Variants in KLHDC2 observed in about 807,000 individuals in gnomAD.
KLHDC2 encodes the protein kelch domain-containing protein 2.
In KLHDC2, 38 loss-of-function variants were observed where a neutral mutation model predicts 62.3. The observed-to-expected ratio is 0.61, with a 90% confidence interval of 0.47 to 0.80. KLHDC2 has a LOEUF of 0.80. Among genes scored for constraint, KLHDC2 ranks in the 30% least tolerant of loss-of-function variants. The pLI, the probability that KLHDC2 is intolerant of heterozygous loss-of-function variation, is 0.00. For missense variants in KLHDC2, 430 were observed against 495.3 expected (o/e 0.87, Z 1.25); for synonymous variants, 159 against 161.0 (o/e 0.99, Z 0.09).
intron 1 of KLHDC2, chr14:49,768,931 T>G (rs1053486448): frequency 1.0e-4 from 33 of 330,432 alleles, no homozygotes; most frequent in Non-Finnish European, 2.2e-5. Flanking sequence ...TAATGTTGCT[T>G]GGGCGGTGCA....
intron 3 of KLHDC2, among the ~76,000 whole-genome samples, chr14:49,776,228 A>C (rs1190193684): frequency 6.6e-6 from 1 of 152,156 alleles, no homozygotes; most frequent in Non-Finnish European, 1.5e-5. Context: ...TTCAGAGCCA[A>C]GGGGGAGAAT....
chr14:49,781,859 TAC>T (rs558115192), intron 10 of KLHDC2, among the ~76,000 whole-genome samples: 75 of 152,336 alleles, frequency 4.9e-4, no homozygotes, highest in African/African-American at 1.7e-3. Context: ...AAGGAAATGA[TAC>T]AGTCAAAATT....
Position 49,780,225 on chromosome 14 carries a change from C to A in KLHDC2, c.786C>A (p.Gly262=). Residue 262 remains glycine, a synonymous_variant, in exon 9 of 13, where the codon GGC becomes GGA. Coordinates refer to ENST00000298307, the MANE Select transcript of KLHDC2 (RefSeq NM_014315.3). ...TWEWNELIPQ[G]ICPVGRSWHS... ...CTATTATTTTCAGAATTCCACAAGG[C>A]ATATGCCCAGTTGGTCGATCTTGGC... 1 of 1,604,400 alleles carries A rather than the reference C, an allele frequency of 6.2e-7. No individual in the cohort carries two copies. Among genetic ancestry groups the A allele is most frequent in the Non-Finnish European group, 8.5e-7 (1 of 1,171,192 alleles).
At chr14:49,773,179 C>CGA (rs1417393863) in intron 2 of KLHDC2, among the ~76,000 whole-genome samples, 1 of 149,630 alleles carries the variant, frequency 6.7e-6, no homozygotes, top group African/African-American at 2.5e-5. Flanking sequence ...TTTGGGAAGC[C>CGA]GAGGCAGGTG....
rs1440267660 is a variant in KLHDC2 at position 49,777,911 on chromosome 14, CCAT to C, written c.430_432del (p.Ser144del). ...AAGAATTGATTGCCAAGGAATTCCT[CCAT>C]CATCAAAGGACAAACTTGGTGTCTG... On this transcript the variant is annotated inframe_deletion, in exon 4 of 13. Coordinates refer to ENST00000298307, the MANE Select transcript of KLHDC2 (RefSeq NM_014315.3). The C allele has an allele frequency of 6.2e-7, 1 of 1,612,252 alleles. No homozygotes were observed. Among genetic ancestry groups the C allele is most frequent in the Non-Finnish European group, 8.5e-7 (1 of 1,178,788 alleles).
rs1889845007 is a variant in KLHDC2 at position 49,779,603 on chromosome 14, A to T, written c.642A>T (p.Ala214=). The T allele has an allele frequency of 6.2e-7, 1 of 1,613,736 alleles. No individual in the cohort carries two copies. Among genetic ancestry groups the T allele is most frequent in the Admixed American group, 1.7e-5 (1 of 59,982 alleles). ...TWSQPITTGK[A]PSPRAAHACA... ...TTATGTGCCTCTAATAGGGTAAAGCACCTTCACCTCGTGCTGCCCATGCCT... is the reference window on the plus strand; with the variant it reads ...TTATGTGCCTCTAATAGGGTAAAGCTCCTTCACCTCGTGCTGCCCATGCCT... Residue 214 remains alanine (A), a synonymous_variant, in exon 7 of 13, where the codon GCA becomes GCT. Transcript: ENST00000298307.
Position 49,780,632 on chromosome 14 carries a change from C to T in KLHDC2, c.884-71C>T, listed in dbSNP as rs1203047938. On this transcript the variant is annotated intron_variant, in intron 9 of 12. Coordinates refer to ENST00000298307, the MANE Select transcript of KLHDC2 (RefSeq NM_014315.3). ...GCTCATGATCTATTACCTTTCTTGC[C>T]AAAGCTGTGCCCTTTAAATGTCAAT... 26 of 1,046,264 alleles carry T rather than the reference C, an allele frequency of 2.5e-5. No homozygotes were observed. The Admixed American group carries it at 2.9e-4, about 12-fold the overall frequency. The allele number at this position is 1,046,264 out of a possible 1,614,324, so 64.8% of individuals were successfully genotyped here.
intron 3 of KLHDC2, among the ~76,000 whole-genome samples, chr14:49,775,917 G>A (rs1467937631): frequency 6.6e-6 from 1 of 152,084 alleles, no homozygotes; most frequent in Non-Finnish European, 1.5e-5. Context: ...ATGAGCCACC[G>A]TGCCCGGCAG....
intron 9 of KLHDC2, 138 bp from the exon 10 acceptor site, chr14:49,780,565 T>C (rs1290733110): frequency 2.9e-6 from 2 of 697,414 alleles, no homozygotes; most frequent in East Asian, 2.6e-5. Flanking sequence ...ACTTGGCTAA[T>C]TGCAGGGGGG....
chr14:49,783,027 G>A lies in KLHDC2; in HGVS notation c.*74G>A. 2 of 1,484,588 alleles carry A rather than the reference G, an allele frequency of 1.3e-6. No individual in the cohort carries two copies. Among genetic ancestry groups the A allele is most frequent in the Non-Finnish European group, 1.8e-6 (2 of 1,089,186 alleles). 92.0% of individuals were successfully genotyped at this position (1,484,588 alleles called of 1,614,324 possible). A position where few individuals can be genotyped will look rare whatever the true frequency, so the allele number is the denominator to read the frequency against. The stretch of plus-strand genomic sequence containing the variant: ...TAAACATCACAGAGTGGCATCATTT[G>A]TATAATTATATGCATTGTTGTAGTT... On this transcript the variant is annotated 3_prime_UTR_variant, in exon 13 of 13. Coordinates refer to ENST00000298307, the MANE Select transcript of KLHDC2 (RefSeq NM_014315.3).
chr14:49,769,444 C>A (rs959230428), intron 1 of KLHDC2, among the ~76,000 whole-genome samples: 7 of 152,168 alleles, frequency 4.6e-5, no homozygotes, highest in Non-Finnish European at 1.0e-4. Context: ...GCCCTCCCCA[C>A]GCCCGTGCCT....
Position 49,784,757 on chromosome 14 carries a change from C to A in KLHDC2, c.*1804C>A. The A allele has an allele frequency of 1.3e-6, 2 of 1,525,674 alleles. No individual in the cohort carries two copies. Among genetic ancestry groups the A allele is most frequent in the South Asian group, 2.3e-5 (2 of 85,802 alleles). The allele number at this position is 1,525,674 out of a possible 1,614,324, so 94.5% of individuals were successfully genotyped here. A position where few individuals can be genotyped will look rare whatever the true frequency, so the allele number is the denominator to read the frequency against. On this transcript the variant is annotated 3_prime_UTR_variant, in exon 13 of 13. Transcript: ENST00000298307. ...TGAATATCTTCACATCCTGTATGGT[C>A]AATCATGTTTCTTTTATGACAAAAA...
At chr14:49,768,817 C>T in intron 1 of KLHDC2, 196 bp downstream of exon 1, 1 of 544,390 alleles carries the variant, frequency 1.8e-6, no homozygotes, top group Non-Finnish European at 3.2e-6. Flanking sequence ...CCCAACCCGT[C>T]TCGAACCTCC....
intron 6 of KLHDC2, among the ~76,000 whole-genome samples, 180 bp from the exon 7 acceptor site, chr14:49,779,415 A>T (rs1168931193): frequency 6.6e-6 from 1 of 152,236 alleles, no homozygotes; most frequent in Non-Finnish European, 1.5e-5. Flanking sequence ...TTTCAAAAAT[A>T]GAAAATTAAA....
Position 49,777,960 on chromosome 14 carries a change from T to C in KLHDC2, c.467+6T>C, listed in dbSNP as rs201794549. ...GTCTGGGTATATAAAAACAAGTAAG[T>C]TGGCAGCACTACAGGTTTGGGTTTT... On this transcript the variant is annotated splice_donor_region_variant and intron_variant, in intron 4 of 12. Coordinates refer to ENST00000298307, the MANE Select transcript of KLHDC2 (RefSeq NM_014315.3). The C allele has an allele frequency of 2.0e-6, 3 of 1,530,986 alleles. No homozygotes were observed. The highest frequency in any genetic ancestry group is 3.5e-5 in the Admixed American group (2 of 57,620). The allele number at this position is 1,530,986 out of a possible 1,614,324, so 94.8% of individuals were successfully genotyped here.
chr14:49,778,349 G>A, intron 5 of KLHDC2, 62 bp from the exon 6 acceptor site: 1 of 1,333,148 alleles, frequency 7.5e-7, no homozygotes, highest in East Asian at 2.3e-5. Flanking sequence ...TTGGTAATCA[G>A]GCAGGCTGTC....
rs182447352 is a variant in KLHDC2 at position 49,785,353 on chromosome 14, T to G, written c.*2400T>G. ...GGGAAAATAACAGTTACAAAGGCAA[T>G]TTATACCGCCCTTTACAAAAAATGC... On this transcript the variant is annotated 3_prime_UTR_variant, in exon 13 of 13. Coordinates refer to ENST00000298307, the MANE Select transcript of KLHDC2 (RefSeq NM_014315.3). 1,035 of 1,442,182 alleles carry G rather than the reference T, an allele frequency of 7.2e-4. 6 individuals are homozygous for G. The African/African-American group carries it at 0.012, about 17-fold the overall frequency. 89.3% of individuals were successfully genotyped at this position (1,442,182 alleles called of 1,614,324 possible).
In KLHDC2 at chr14:49,784,862, A is replaced by G. The variant is rs1890086489; in HGVS notation, c.*1909A>G. The G allele has an allele frequency of 1.4e-6, 2 of 1,479,162 alleles. No individual in the cohort carries two copies. The highest frequency in any genetic ancestry group is 1.9e-6 in the Non-Finnish European group (2 of 1,067,118). 91.6% of individuals were successfully genotyped at this position (1,479,162 alleles called of 1,614,324 possible). On this transcript the variant is annotated 3_prime_UTR_variant, in exon 13 of 13. Transcript: ENST00000298307. ...AGCATTTTCTACTAAAATAACAAAA[A>G]ACTGCTAACATTTTAAATTGTACTG...
At position 49,780,256 on chromosome 14, in the gene KLHDC2, C is replaced by T; in HGVS notation, c.817C>T (p.Leu273=). Residue 273 remains leucine (L), a synonymous_variant, in exon 9 of 13, where the codon CTA becomes TTA. Coordinates refer to ENST00000298307, the MANE Select transcript of KLHDC2 (RefSeq NM_014315.3). ...ICPVGRSWHS[L]TPVSSDHLFL... The stretch of plus-strand genomic sequence containing the variant: ...CCCAGTTGGTCGATCTTGGCACTCA[C>T]TAACACCAGTTTCTTCAGATCATCT... 6.2e-7 allele frequency: 1 copy of T among 1,613,816 alleles called. No individual in the cohort carries two copies. Among genetic ancestry groups the T allele is most frequent in the Non-Finnish European group, 8.5e-7 (1 of 1,179,692 alleles).
Sources: allele counts gnomAD v4.1 joint callset (sites outside exome capture counted in the v4.1 genomes callset), GRCh38; gene constraint gnomAD v4.1.1; transcripts MANE v1.5; gene names NCBI Gene and HGNC (gene_info 2026-07-23, HGNC 2026-07-21).